PIP5K1B: variants seen among roughly 807,000 people sequenced by gnomAD.
PIP5K1B encodes the protein phosphatidylinositol-4-phosphate 5-kinase type 1 beta.
A neutral mutation model predicts 67.0 loss-of-function variants in PIP5K1B; 42 were observed. The ratio of observed to expected loss-of-function variants is 0.63; its 90% confidence interval spans 0.49 to 0.81. The LOEUF is 0.81. Among genes scored for constraint, PIP5K1B ranks in the 30% least tolerant of loss-of-function variants. The probability of loss-of-function intolerance (pLI) is 0.00; values close to 1 mark genes in which losing one functional copy is unlikely to be tolerated. For synonymous variants in PIP5K1B, 214 were observed against 231.4 expected, an observed-to-expected ratio of 0.92 and a Z score of 0.68; for missense variants, 459 against 646.3, an observed-to-expected ratio of 0.71 and a Z score of 3.14.
chr9:68,788,260 A>G, intron 2 of PIP5K1B: 1 of 495,918 alleles, frequency 2.0e-6, no homozygotes, highest in Non-Finnish European at 3.6e-6. Context: ...ACTTTTAGAT[A>G]AGAAATGAAA....
At chr9:68,740,400 T>C (rs1828946552) in intron 1 of PIP5K1B, among the ~76,000 whole-genome samples, 1 of 152,254 alleles carries the variant, frequency 6.6e-6, no homozygotes, top group Non-Finnish European at 1.5e-5. Flanking sequence ...AATGGGTCTC[T>C]ACAGTCTCTT....
rs1277858374 is a variant in PIP5K1B, at chr9:68,963,800, A to C, written c.1502+23010A>C. Among the ~76,000 whole-genome samples the C allele has an allele frequency of 2.0e-5, 3 of 152,196 alleles. No homozygotes were observed. In the East Asian group the frequency reaches 5.8e-4, roughly 29 times the overall value. Reference sequence around the variant, plus strand: ...ACACAGCTATTACACTTTAGACAATAGATCCTTCAACCGTGGGTGGTCAGT... The same window carrying C: ...ACACAGCTATTACACTTTAGACAATCGATCCTTCAACCGTGGGTGGTCAGT... On this transcript the variant is annotated intron_variant, in intron 14 of 15. Transcript: ENST00000265382.
rs1473860259 is a variant in PIP5K1B at position 68,836,703 on chromosome 9, A to G, written c.69+14020A>G. Among the ~76,000 whole-genome samples, 16 of 152,088 alleles carry G rather than the reference A, an allele frequency of 1.1e-4. 1 individual carries two copies. The highest frequency in any genetic ancestry group is 1.0e-3 in the Admixed American group (16 of 15,262). On this transcript the variant is annotated intron_variant, in intron 4 of 15. Coordinates refer to ENST00000265382, the MANE Select transcript of PIP5K1B (RefSeq NM_003558.4). The stretch of plus-strand genomic sequence containing the variant: ...TTTTTTTTTATTATGAGGGTCCTGA[A>G]TTGCTTCAGATGAGTTAATAGATGG...
chr9:68,997,977 T>C (rs1830666053), intron 15 of PIP5K1B, among the ~76,000 whole-genome samples: 1 of 152,044 alleles, frequency 6.6e-6, no homozygotes, highest in Non-Finnish European at 1.5e-5. Flanking sequence ...TTTTTTCTTT[T>C]TTTTTTTCTG....
At chr9:68,916,516 A>G (rs1587661959) in intron 8 of PIP5K1B, among the ~76,000 whole-genome samples, 1 of 152,122 alleles carries the variant, frequency 6.6e-6, no homozygotes, top group Non-Finnish European at 1.5e-5. Context: ...ATGAAGTACT[A>G]TGCTTTGTTG....
rs12335396 is a variant in PIP5K1B at position 68,830,933 on chromosome 9, C to T, written c.69+8250C>T. On this transcript the variant is annotated intron_variant, in intron 4 of 15. Transcript: ENST00000265382. Reference sequence around the variant, plus strand: ...CCCCCTTTCCCTGAGGCCTGTGGCTCATCCACTTTCACCACTCACTACCTG... The same window carrying T: ...CCCCCTTTCCCTGAGGCCTGTGGCTTATCCACTTTCACCACTCACTACCTG... Among the ~76,000 whole-genome samples, 1,180 of 152,346 alleles carry T rather than the reference C, an allele frequency of 7.7e-3. 15 individuals are homozygous for T. Among genetic ancestry groups the T allele is most frequent in the African/African-American group, 0.027 (1,142 of 41,576 alleles).
chr9:68,992,122 C>A (rs1460737205), intron 15 of PIP5K1B, among the ~76,000 whole-genome samples: 5 of 152,046 alleles, frequency 3.3e-5, no homozygotes, highest in Non-Finnish European at 7.4e-5. Context: ...TGTGCCACCA[C>A]GCCTGGCTAA....
intron 2 of PIP5K1B, among the ~76,000 whole-genome samples, chr9:68,813,384 T>C (rs1833269585): frequency 6.6e-6 from 1 of 152,172 alleles, no homozygotes; most frequent in Non-Finnish European, 1.5e-5. Flanking sequence ...ATTTAGTAGC[T>C]TAGAGTGGAG....
intron 2 of PIP5K1B, among the ~76,000 whole-genome samples, chr9:68,763,050 C>T (rs1412986): frequency 0.46 from 69,077 of 151,806 alleles, 15,816 homozygotes; most frequent in East Asian, 0.63. Flanking sequence ...TGGGTACATA[C>T]GGTAATAAGA....
intron 2 of PIP5K1B, among the ~76,000 whole-genome samples, chr9:68,765,679 C>CA: frequency 6.6e-6 from 1 of 151,946 alleles, no homozygotes; most frequent in South Asian, 2.1e-4. Context: ...TGAGAAGGGC[C>CA]AAAAAGCACA....
chr9:68,844,396 A>C (rs1822078073), intron 4 of PIP5K1B, among the ~76,000 whole-genome samples: 1 of 152,326 alleles, frequency 6.6e-6, no homozygotes, highest in African/African-American at 2.4e-5. Context: ...CTATTGAGCA[A>C]TCAACTATGC....
chr9:68,732,117 G>A (rs551211508), intron 1 of PIP5K1B, among the ~76,000 whole-genome samples: 9 of 152,268 alleles, frequency 5.9e-5, no homozygotes, highest in African/African-American at 2.2e-4. Flanking sequence ...AATTCTTACT[G>A]TGATGTTGGA....
chr9:68,979,504 C>T (rs189338299), intron 14 of PIP5K1B, among the ~76,000 whole-genome samples: 181 of 8,652 alleles, frequency 0.021, no homozygotes, highest in African/African-American at 0.034. Flanking sequence ...GAGGGTTCCT[C>T]TTTAAAAAGG....
In PIP5K1B at chr9:68,847,782, G is replaced by T. The variant is rs145513857; in HGVS notation, c.70-16055G>T. On this transcript the variant is annotated intron_variant, in intron 4 of 15. Coordinates refer to ENST00000265382, the MANE Select transcript of PIP5K1B (RefSeq NM_003558.4). Reference sequence around the variant, plus strand: ...CCATCTCCACACCTATGGGCAAAGAGTTAACCATGGATTTGCCAGTCAAAG... The same window carrying T: ...CCATCTCCACACCTATGGGCAAAGATTTAACCATGGATTTGCCAGTCAAAG... 2.5e-4 allele frequency among the ~76,000 whole-genome samples: 38 copies of T among 152,258 alleles called. No homozygotes were observed. The East Asian group carries it at 6.6e-3, about 26-fold the overall frequency.
chr9:68,890,149 C>T (rs1267482437), intron 7 of PIP5K1B, among the ~76,000 whole-genome samples: 4 of 152,188 alleles, frequency 2.6e-5, no homozygotes, highest in Non-Finnish European at 1.5e-5. Flanking sequence ...TCTATATTAG[C>T]TGTTCTCAGC....
chr9:68,821,656 A>G (rs565596148), intron 3 of PIP5K1B, among the ~76,000 whole-genome samples: 18 of 152,370 alleles, frequency 1.2e-4, no homozygotes, highest in African/African-American at 4.1e-4. Flanking sequence ...AAATAAATTT[A>G]CCAATATGTA....
chr9:68,964,800 G>T (rs889175817), intron 14 of PIP5K1B, among the ~76,000 whole-genome samples: 12 of 152,244 alleles, frequency 7.9e-5, no homozygotes, highest in African/African-American at 2.4e-4. Context: ...AATGCCTGTA[G>T]GTTTCCTTGT....
chr9:68,960,784 G>A (rs1171213140), intron 14 of PIP5K1B, among the ~76,000 whole-genome samples: 1 of 152,086 alleles, frequency 6.6e-6, no homozygotes, highest in Non-Finnish European at 1.5e-5. Context: ...GGGTCTAAGG[G>A]TTTTTTGGCA....
At position 68,997,483 on chromosome 9, in the gene PIP5K1B, G is replaced by A. The variant is rs1377466073; in HGVS notation, c.1620+6226G>A. Among the ~76,000 whole-genome samples, 4 of 152,190 alleles carry A rather than the reference G, an allele frequency of 2.6e-5. No homozygotes were observed. In the East Asian group the frequency reaches 5.8e-4, roughly 22 times the overall value. ...GCTCGGGTTTTTGGTAGATTTTAGTGAGAGCAGAGTAGGAAGGAGAAAAGA... is the reference window on the plus strand; with the variant it reads ...GCTCGGGTTTTTGGTAGATTTTAGTAAGAGCAGAGTAGGAAGGAGAAAAGA... On this transcript the variant is annotated intron_variant, in intron 15 of 15. Coordinates refer to ENST00000265382, the MANE Select transcript of PIP5K1B (RefSeq NM_003558.4).
Sources: gnomAD v4.1 joint callset for allele counts (sites outside exome capture counted in the v4.1 genomes callset) on GRCh38, gnomAD v4.1.1 for gene constraint, MANE v1.5 for transcripts, NCBI Gene and HGNC (gene_info 2026-07-23, HGNC 2026-07-21) for gene names.